ZNF682: variants seen among roughly 807,000 people sequenced by gnomAD.
ZNF682 encodes the protein zinc finger protein 682.
Under a neutral mutation model 36.5 loss-of-function variants are expected in ZNF682, and 29 were observed. The ratio of observed to expected loss-of-function variants is 0.80; its 90% CI spans 0.59 to 1.08. ZNF682 has a LOEUF of 1.08. ZNF682 is among the 50% of genes least tolerant of loss of function. The probability of loss-of-function intolerance (pLI) is 0.00; values close to 1 mark genes in which losing one functional copy is unlikely to be tolerated. For synonymous variants in ZNF682, 180 were observed against 197.0 expected (o/e 0.91, Z 0.72); for missense variants, 561 against 579.7 (o/e 0.97, Z 0.33).
At chr19:20,022,893 C>G (rs751660955) in intron 3 of ZNF682, 111 bp downstream of exon 3, 3 of 895,186 alleles carry the variant, frequency 3.4e-6, no homozygotes, top group Non-Finnish European at 5.3e-6. Flanking sequence ...TCACGTTCCT[C>G]AAAAATCATC....
intron 3 of ZNF682, among the ~76,000 whole-genome samples, chr19:20,020,358 G>A (rs959800272): frequency 1.3e-5 from 2 of 152,022 alleles, no homozygotes; most frequent in African/African-American, 2.4e-5. Context: ...TTAGCTGGGC[G>A]TGGTGACAGG....
intron 3 of ZNF682, among the ~76,000 whole-genome samples, chr19:20,016,863 T>C (rs1328894305): frequency 6.6e-6 from 1 of 152,040 alleles, no homozygotes; most frequent in African/African-American, 2.4e-5. Context: ...AATCTTGCCA[T>C]AGAATTTAAT....
intron 3 of ZNF682, among the ~76,000 whole-genome samples, chr19:20,008,369 A>G (rs1041819063): frequency 6.6e-6 from 1 of 152,248 alleles, no homozygotes; most frequent in Non-Finnish European, 1.5e-5. Context: ...TAGCCAATTC[A>G]GCCTGCTCCC....
At chr19:20,021,521 T>C (rs573722065) in intron 3 of ZNF682, among the ~76,000 whole-genome samples, 1 of 152,136 alleles carries the variant, frequency 6.6e-6, no homozygotes, top group South Asian at 2.1e-4. Flanking sequence ...AACAAAAAAC[T>C]CTGTGAGGTT....
chr19:20,026,093 G>A (rs1006392758), intron 1 of ZNF682, among the ~76,000 whole-genome samples: 7 of 152,152 alleles, frequency 4.6e-5, no homozygotes, highest in Middle Eastern at 3.4e-3. Flanking sequence ...ACAAGGTCAG[G>A]AGATCGAGAC....
chr19:20,029,293 T>C lies in ZNF682; in HGVS notation c.4-4917A>G, dbSNP rs1260129198. Among the ~76,000 whole-genome samples the C allele has an allele frequency of 2.7e-5, 4 of 150,448 alleles. No individual in the cohort carries two copies. In the East Asian group the frequency reaches 8.3e-4, roughly 31 times the overall value. On this transcript the variant is annotated intron_variant, in intron 1 of 3. Coordinates refer to ENST00000397165, the MANE Select transcript of ZNF682 (RefSeq NM_033196.3). ...ACCGCACCCAGCCTTTCTTTTGTTT[T>C]CTTTTTTTTTTAAATGCATGGAATA...
chr19:20,013,064 A>G (rs1257980896), intron 3 of ZNF682, among the ~76,000 whole-genome samples: 1 of 152,110 alleles, frequency 6.6e-6, no homozygotes, highest in Non-Finnish European at 1.5e-5. Flanking sequence ...TTCTTTTTAC[A>G]AGATACTCAC....
intron 3 of ZNF682, among the ~76,000 whole-genome samples, chr19:20,010,143 G>C (rs1177226201): frequency 6.6e-6 from 1 of 152,098 alleles, no homozygotes; most frequent in Non-Finnish European, 1.5e-5. Context: ...CAACCACTAG[G>C]TGAATTAACT....
chr19:20,020,893 T>C (rs776329699), intron 3 of ZNF682, among the ~76,000 whole-genome samples: 2 of 152,210 alleles, frequency 1.3e-5, no homozygotes, highest in East Asian at 1.9e-4. Flanking sequence ...ACAAAGCTGG[T>C]TGACCCAGTC....
chr19:20,018,168 A>C (rs1479238695), intron 3 of ZNF682, among the ~76,000 whole-genome samples: 2 of 127,678 alleles, frequency 1.6e-5, no homozygotes, highest in Non-Finnish European at 3.1e-5. Context: ...ATCTCGGCTC[A>C]CTGCAAGCTC....
In ZNF682 at chr19:20,007,251, T is replaced by C; in HGVS notation, c.251A>G (p.Asp84Gly). Residue 84 changes from aspartate to glycine, a missense_variant, in exon 4 of 4, where the codon GAC (aspartate) becomes GGC (glycine). Physicochemically the swap from Asp to Gly is moderately conservative, Grantham distance 94 (BLOSUM62 -1). Coordinates refer to ENST00000397165, the MANE Select transcript of ZNF682 (RefSeq NM_033196.3). ...TTGCATGCACTGTTCTGGCAAAAGG[T>C]CTTCAGTGTAATGAGAAGACATAGC... is the stretch of plus-strand genomic sequence containing the variant. ...PPAMSSHYTE[D>G]LLPEQCMQDS... is the part of the protein sequence containing the mutation. 6.2e-7 allele frequency: 1 copy of C among 1,610,366 alleles called. No homozygotes were observed. The highest frequency in any genetic ancestry group is 8.5e-7 in the Non-Finnish European group (1 of 1,178,906).
rs1338635680 is a variant in ZNF682 at position 20,007,052 on chromosome 19, A to C, written c.450T>G (p.Cys150Trp). The change falls in exon 4 of 4, where the codon TGT becomes TGG. Residue 150 changes from cysteine (C) to tryptophan (W), a missense_variant. Transcript: ENST00000397165. ...LPSKIFPYNKCVKVFSKSSNL... is the reference protein window; with the variant it reads ...LPSKIFPYNKWVKVFSKSSNL... ...TTGATGATTTACTAAAGACTTTCAC[A>C]CATTTATTATATGGGAAAATTTTGC... 2 of 1,613,530 alleles carry C rather than the reference A, an allele frequency of 1.2e-6. No individual in the cohort carries two copies. The highest frequency in any genetic ancestry group is 1.7e-6 in the Non-Finnish European group (2 of 1,179,834).
At chr19:20,021,831 T>C (rs1370259069) in intron 3 of ZNF682, among the ~76,000 whole-genome samples, 4 of 152,146 alleles carry the variant, frequency 2.6e-5, no homozygotes, top group Admixed American at 6.5e-5. Context: ...TGCTTAGCAT[T>C]ATAACAAAAT....
intron 1 of ZNF682, among the ~76,000 whole-genome samples, chr19:20,035,204 C>T (rs1277620418): frequency 6.6e-6 from 1 of 152,110 alleles, no homozygotes; most frequent in Non-Finnish European, 1.5e-5. Context: ...GGGTTAATAT[C>T]TATTGTAACA....
intron 3 of ZNF682, among the ~76,000 whole-genome samples, chr19:20,019,245 C>CA (rs898827729): frequency 5.9e-5 from 9 of 151,608 alleles, no homozygotes; most frequent in East Asian, 1.9e-4. Flanking sequence ...ACCACCCCCC[C>CA]AAAAAAAAGT....
At chr19:20,010,288 C>T (rs2088272777) in intron 3 of ZNF682, among the ~76,000 whole-genome samples, 1 of 152,156 alleles carries the variant, frequency 6.6e-6, no homozygotes, top group South Asian at 2.1e-4. Flanking sequence ...ATCAAGACTA[C>T]AGAGTGCATG....
rs2088193857 is a variant in ZNF682, at chr19:20,004,519, A to G, written c.*1486T>C. On this transcript the variant is annotated 3_prime_UTR_variant, in exon 4 of 4. Coordinates refer to ENST00000397165, the MANE Select transcript of ZNF682 (RefSeq NM_033196.3). ...CTATCTAATGTGCAATTGGTAAAAC[A>G]ATTTACTAAAATTTGAATAATGCAC... The G allele has an allele frequency of 6.6e-6, 1 of 152,216 alleles. No individual in the cohort carries two copies. Among genetic ancestry groups the G allele is most frequent in the Admixed American group, 6.5e-5 (1 of 15,278 alleles). 9.4% of individuals were successfully genotyped at this position (152,216 alleles called of 1,614,324 possible).
rs916086082 is a variant in ZNF682 at position 20,039,440 on chromosome 19, T to G, written c.-95A>C. 1 of 1,530,760 alleles carries G rather than the reference T, an allele frequency of 6.5e-7. No homozygotes were observed. The highest frequency in any genetic ancestry group is 8.9e-7 in the Non-Finnish European group (1 of 1,119,334). The allele number at this position is 1,530,760 out of a possible 1,614,324, so 94.8% of individuals were successfully genotyped here. On this transcript the variant is annotated 5_prime_UTR_variant, in exon 1 of 4. Coordinates refer to ENST00000397165, the MANE Select transcript of ZNF682 (RefSeq NM_033196.3). ...AGAGGCTGCGACAGTCACCGGGAAC[T>G]ACTAGAGCAGAGGATACTAAGCAAT...
intron 1 of ZNF682, among the ~76,000 whole-genome samples, chr19:20,038,710 C>T (rs1025551878): frequency 6.6e-6 from 1 of 151,888 alleles, no homozygotes; most frequent in Non-Finnish European, 1.5e-5. Context: ...AACCACAAAC[C>T]TTCAATTAAC....
Sources: allele counts gnomAD v4.1 joint callset (sites outside exome capture counted in the v4.1 genomes callset), GRCh38; gene constraint gnomAD v4.1.1; transcripts MANE v1.5; gene names NCBI Gene and HGNC (gene_info 2026-07-23, HGNC 2026-07-21).